The following RAI14 variants were observed in gnomAD, a reference collection of about 807,000 sequenced individuals.
The protein encoded by RAI14 is retinoic acid induced 14, also known as ankycorbin.
In RAI14, 45 loss-of-function variants were observed where a neutral mutation model predicts 115.4. The observed-to-expected ratio is 0.39, with a 90% CI of 0.31 to 0.50. The LOEUF is 0.50. Ranked by LOEUF, RAI14 falls within the 20% of genes least tolerant of loss-of-function variation. The pLI, the probability that RAI14 is intolerant of heterozygous loss-of-function variation, is 0.85. For synonymous variants in RAI14, 371 were observed against 415.4 expected (o/e 0.89, Z 1.30); for missense variants, 939 against 1,131.2 (o/e 0.83, Z 2.44).
At chr5:34,670,495 T>C (rs899221111) in intron 1 of RAI14, among the ~76,000 whole-genome samples, 1 of 152,204 alleles carries the variant, frequency 6.6e-6, no homozygotes, top group East Asian at 1.9e-4. Flanking sequence ...TGCAAAGTAA[T>C]CTTTAAGGAT....
intron 2 of RAI14, among the ~76,000 whole-genome samples, chr5:34,704,833 G>T (rs1037528629): frequency 2.6e-5 from 4 of 152,204 alleles, no homozygotes; most frequent in African/African-American, 9.6e-5. Flanking sequence ...GTTGGAAAAA[G>T]AAATACTCTT....
At chr5:34,705,711 G>C (rs1349636266) in intron 2 of RAI14, among the ~76,000 whole-genome samples, 1 of 152,082 alleles carries the variant, frequency 6.6e-6, no homozygotes, top group Non-Finnish European at 1.5e-5. Context: ...GCAATGGTGC[G>C]ATCTCAGCTC....
At chr5:34,813,322 GTT>G (rs889908160) in intron 10 of RAI14, among the ~76,000 whole-genome samples, 9 of 152,172 alleles carry the variant, frequency 5.9e-5, no homozygotes, top group Non-Finnish European at 1.2e-4. Flanking sequence ...TACTTTCCCA[GTT>G]CTCCACACCA....
At position 34,830,940 on chromosome 5, in the gene RAI14, A is replaced by T. The variant is rs1211807803; in HGVS notation, c.*175A>T. On this transcript the variant is annotated 3_prime_UTR_variant, in exon 18 of 18. Coordinates refer to ENST00000265109, the MANE Select transcript of RAI14 (RefSeq NM_015577.3). ...CCCAGGAGAAGACTGCCCGCCTCAG[A>T]ACTGCTTAGAGACTTCAAACCAGCA... 3 of 1,195,310 alleles carry T rather than the reference A, an allele frequency of 2.5e-6. No individual in the cohort carries two copies. The highest frequency in any genetic ancestry group is 2.3e-6 in the Non-Finnish European group (2 of 888,312). 74.0% of individuals were successfully genotyped at this position (1,195,310 alleles called of 1,614,324 possible).
chr5:34,764,999 G>A (rs1373294887), intron 3 of RAI14, among the ~76,000 whole-genome samples: 10 of 152,128 alleles, frequency 6.6e-5, no homozygotes, highest in Non-Finnish European at 1.3e-4. Flanking sequence ...TAAGTCTCAC[G>A]AGATCTGATG....
At chr5:34,718,932 AC>A (rs1742316851) in intron 2 of RAI14, among the ~76,000 whole-genome samples, 1 of 152,232 alleles carries the variant, frequency 6.6e-6, no homozygotes, top group Non-Finnish European at 1.5e-5. Context: ...CCAGTAATGC[AC>A]AAGATGAAAA....
intron 1 of RAI14, among the ~76,000 whole-genome samples, chr5:34,678,859 C>T (rs1276701573): frequency 2.0e-5 from 3 of 152,294 alleles, no homozygotes; most frequent in East Asian, 3.9e-4. Context: ...TCCCTCTGCC[C>T]TCTTTGTCCT....
chr5:34,811,966 A>G, intron 9 of RAI14, 21 bp downstream of exon 9: 1 of 1,584,094 alleles, frequency 6.3e-7, no homozygotes, highest in Non-Finnish European at 8.6e-7. Flanking sequence ...GAAAATAGCC[A>G]ATGTTGTTTT....
chr5:34,711,250 C>T (rs1741365273), intron 2 of RAI14, among the ~76,000 whole-genome samples: 1 of 152,246 alleles, frequency 6.6e-6, no homozygotes, highest in African/African-American at 2.4e-5. Flanking sequence ...GGTGGATTTT[C>T]ATTAGTTCTT....
intron 2 of RAI14, among the ~76,000 whole-genome samples, chr5:34,755,795 C>A: frequency 6.6e-6 from 1 of 152,174 alleles, no homozygotes; most frequent in African/African-American, 2.4e-5. Context: ...AGAGTAATCC[C>A]TAGCAGAGTT....
At chr5:34,734,177 C>T (rs1180008070) in intron 2 of RAI14, among the ~76,000 whole-genome samples, 2 of 152,180 alleles carry the variant, frequency 1.3e-5, no homozygotes, top group African/African-American at 4.8e-5. Context: ...TTAGGCCCGC[C>T]CCCCTGGTCT....
chr5:34,813,330 C>T (rs545772172), intron 10 of RAI14, among the ~76,000 whole-genome samples: 41 of 152,372 alleles, frequency 2.7e-4, no homozygotes, highest in Admixed American at 9.1e-4. Context: ...CAGTTCTCCA[C>T]ACCAACCTAA....
At chr5:34,676,630 T>C (rs1743990756) in intron 1 of RAI14, among the ~76,000 whole-genome samples, 1 of 152,206 alleles carries the variant, frequency 6.6e-6, no homozygotes, top group African/African-American at 2.4e-5. Context: ...TGTCAGTCAG[T>C]GCCGCTGGCT....
intron 3 of RAI14, among the ~76,000 whole-genome samples, chr5:34,765,443 T>C (rs1047291147): frequency 3.3e-5 from 5 of 152,172 alleles, no homozygotes; most frequent in Admixed American, 1.3e-4. Context: ...GAGAAACTTG[T>C]TGGGAACTGG....
intron 2 of RAI14, among the ~76,000 whole-genome samples, chr5:34,702,068 C>T (rs1372999226): frequency 2.0e-5 from 3 of 152,308 alleles, no homozygotes; most frequent in Admixed American, 6.5e-5. Flanking sequence ...CCGGCCTTGG[C>T]CTCCCAAACT....
Position 34,830,835 on chromosome 5 carries a change from C to T in RAI14, c.*70C>T, listed in dbSNP as rs1253617367. ...TGTTAGATCCAGAGTTGTCGGCAGC[C>T]GCTGCCATTGTTCTCATTCGTGGTA... On this transcript the variant is annotated 3_prime_UTR_variant, in exon 18 of 18. Coordinates refer to ENST00000265109, the MANE Select transcript of RAI14 (RefSeq NM_015577.3). 21 of 1,600,750 alleles carry T rather than the reference C, an allele frequency of 1.3e-5. No homozygotes were observed. The highest frequency in any genetic ancestry group is 3.4e-5 in the Admixed American group (2 of 59,206).
At chr5:34,721,457 A>G (rs1442029088) in intron 2 of RAI14, among the ~76,000 whole-genome samples, 2 of 151,954 alleles carry the variant, frequency 1.3e-5, no homozygotes, top group Non-Finnish European at 2.9e-5. Context: ...TGCCTAGTCC[A>G]GAGCTCAAGA....
chr5:34,781,296 C>T (rs574661771), intron 3 of RAI14, among the ~76,000 whole-genome samples: 6 of 152,030 alleles, frequency 3.9e-5, no homozygotes, highest in Admixed American at 2.6e-4. Context: ...GGGTGCAGCA[C>T]ACCAACGTGG....
chr5:34,770,201 C>A (rs1399382072), intron 3 of RAI14, among the ~76,000 whole-genome samples: 1 of 152,186 alleles, frequency 6.6e-6, no homozygotes, highest in African/African-American at 2.4e-5. Context: ...GGCCCGGAAA[C>A]CATACTTTGA....
Sources: allele counts gnomAD v4.1 joint callset (sites outside exome capture counted in the v4.1 genomes callset), GRCh38; gene constraint gnomAD v4.1.1; transcripts MANE v1.5; gene names NCBI Gene and HGNC (gene_info 2026-07-23, HGNC 2026-07-21).